CADPS2: variants seen among roughly 807,000 people sequenced by gnomAD.
CADPS2 encodes the protein calcium-dependent secretion activator 2.
Under a neutral mutation model 172.5 loss-of-function variants are expected in CADPS2, and 93 were observed. That is an observed-to-expected ratio of 0.54 (90% CI 0.46 to 0.64). The LOEUF is 0.64. Among genes scored for constraint, CADPS2 ranks in the 30% least tolerant of loss-of-function variants. The pLI is 0.00. For synonymous variants in CADPS2, 546 were observed against 555.2 expected, an observed-to-expected ratio of 0.98 and a Z score of 0.23; for missense variants, 1,420 against 1,565.9, an observed-to-expected ratio of 0.91 and a Z score of 1.57.
chr7:122,336,712 T>C (rs1238512470), intron 28 of CADPS2, among the ~76,000 whole-genome samples: 4 of 152,238 alleles, frequency 2.6e-5, no homozygotes, highest in East Asian at 3.9e-4. Flanking sequence ...CATTATGCAA[T>C]TGGTGTTTAG....
At chr7:122,782,968 C>T (rs1291954120) in intron 1 of CADPS2, among the ~76,000 whole-genome samples, 1 of 151,858 alleles carries the variant, frequency 6.6e-6, no homozygotes, top group African/African-American at 2.4e-5. Flanking sequence ...TTCTGTATTT[C>T]AAACGTTCTT....
chr7:122,608,147 C>T (rs6962479), intron 6 of CADPS2, among the ~76,000 whole-genome samples: 54,586 of 150,276 alleles, frequency 0.36, 10,238 homozygotes, highest in Middle Eastern at 0.43. Context: ...ACCCAGGAGG[C>T]GGAGATTGCA....
chr7:122,555,052 T>C (rs2064859630), intron 7 of CADPS2, among the ~76,000 whole-genome samples: 1 of 152,114 alleles, frequency 6.6e-6, no homozygotes, highest in African/African-American at 2.4e-5. Flanking sequence ...AGATATTCTT[T>C]GACATTATGG....
At chr7:122,637,364 C>G (rs776110162) in intron 3 of CADPS2, among the ~76,000 whole-genome samples, 6 of 151,350 alleles carry the variant, frequency 4.0e-5, no homozygotes, top group African/African-American at 7.3e-5. Context: ...TGGCTAATTT[C>G]TTGTAGAGAA....
At chr7:122,712,919 A>C (rs1308530785) in intron 2 of CADPS2, among the ~76,000 whole-genome samples, 1 of 151,970 alleles carries the variant, frequency 6.6e-6, no homozygotes, top group African/African-American at 2.4e-5. Flanking sequence ...ATCACCTCCC[A>C]AAGTCCCCAC....
At chr7:122,750,056 T>G (rs907360514) in intron 1 of CADPS2, among the ~76,000 whole-genome samples, 40 of 151,288 alleles carry the variant, frequency 2.6e-4, no homozygotes, top group Admixed American at 2.6e-3. Flanking sequence ...AAAGCTATCA[T>G]TCAAGTAATT....
intron 1 of CADPS2, among the ~76,000 whole-genome samples, chr7:122,756,049 G>C (rs903275169): frequency 2.0e-5 from 3 of 152,174 alleles, no homozygotes; most frequent in African/African-American, 7.2e-5. Flanking sequence ...TGATGATACA[G>C]AAAAGAGTTT....
chr7:122,822,146 T>G (rs1390309429), intron 1 of CADPS2, among the ~76,000 whole-genome samples: 2 of 151,148 alleles, frequency 1.3e-5, no homozygotes, highest in Non-Finnish European at 2.9e-5. Context: ...ACTCTTGAAG[T>G]AAATAAATAA....
chr7:122,554,808 A>G, intron 7 of CADPS2, 119 bp from the exon 8 acceptor site: 1 of 818,500 alleles, frequency 1.2e-6, no homozygotes, highest in Non-Finnish European at 1.8e-6. Flanking sequence ...AAATGTATCC[A>G]ATAAACAATT....
At chr7:122,857,507 C>T (rs975512163) in intron 1 of CADPS2, among the ~76,000 whole-genome samples, 6 of 152,164 alleles carry the variant, frequency 3.9e-5, no homozygotes, top group African/African-American at 1.4e-4. Context: ...TATGCAGCAC[C>T]TAAGGGCAGG....
chr7:122,764,440 C>T (rs1020963438), intron 1 of CADPS2, among the ~76,000 whole-genome samples: 43 of 151,924 alleles, frequency 2.8e-4, no homozygotes, highest in African/African-American at 1.0e-3. Context: ...CTACAATGTG[C>T]CAAGCGTTTT....
chr7:122,570,121 G>A lies in CADPS2; in HGVS notation c.1335+11058C>T, dbSNP rs865845210. Among the ~76,000 whole-genome samples, 128 of 148,728 alleles carry A rather than the reference G, an allele frequency of 8.6e-4. 2 individuals carry two copies. The Middle Eastern group carries it at 0.01, about 12-fold the overall frequency. Reference sequence around the variant, plus strand: ...ACCTACAGAATGGGAGAAAATTTTCGCAACCTACTCATCTGACGAAGGGCT... The same window carrying A: ...ACCTACAGAATGGGAGAAAATTTTCACAACCTACTCATCTGACGAAGGGCT... On this transcript the variant is annotated intron_variant, in intron 7 of 29. Transcript: ENST00000449022.
At chr7:122,347,299 G>A (rs1324724517) in intron 27 of CADPS2, among the ~76,000 whole-genome samples, 1 of 151,782 alleles carries the variant, frequency 6.6e-6, no homozygotes, top group African/African-American at 2.4e-5. Flanking sequence ...TTTTTTTGGA[G>A]GGGGCATATT....
chr7:122,671,874 C>T (rs1235713168), intron 2 of CADPS2, among the ~76,000 whole-genome samples: 1 of 152,122 alleles, frequency 6.6e-6, no homozygotes, highest in Admixed American at 6.6e-5. Context: ...CTGTGAAACC[C>T]ATCCATACAC....
At chr7:122,355,076 G>C (rs989616832) in intron 27 of CADPS2, among the ~76,000 whole-genome samples, 2 of 152,040 alleles carry the variant, frequency 1.3e-5, no homozygotes, top group Admixed American at 6.6e-5. Flanking sequence ...AGAAGTATAT[G>C]TTACAAAGAT....
At chr7:122,552,853 T>C (rs2131956355) in intron 8 of CADPS2, among the ~76,000 whole-genome samples, 2 of 151,452 alleles carry the variant, frequency 1.3e-5, no homozygotes, top group Middle Eastern at 3.4e-3. Flanking sequence ...GAGAAACAAC[T>C]GCAGTTCCTG....
intron 2 of CADPS2, among the ~76,000 whole-genome samples, chr7:122,732,383 C>T (rs1588849881): frequency 6.7e-6 from 1 of 149,868 alleles, no homozygotes; most frequent in Middle Eastern, 3.4e-3. Flanking sequence ...TATAGACCTA[C>T]AATCAAGATG....
intron 20 of CADPS2, among the ~76,000 whole-genome samples, chr7:122,400,491 A>C (rs554029433): frequency 8.1e-4 from 124 of 152,280 alleles, no homozygotes; most frequent in Non-Finnish European, 1.3e-3. Flanking sequence ...AAAGAAAAAA[A>C]AGAAATTAGA....
intron 1 of CADPS2, among the ~76,000 whole-genome samples, chr7:122,821,058 T>A (rs1180282166): frequency 1.3e-5 from 2 of 152,046 alleles, no homozygotes; most frequent in Admixed American, 1.3e-4. Context: ...TCACTCTTTG[T>A]TGAGTCTCCC....
Sources: allele counts gnomAD v4.1 joint callset (sites outside exome capture counted in the v4.1 genomes callset), GRCh38; gene constraint gnomAD v4.1.1; transcripts MANE v1.5; gene names NCBI Gene and HGNC (gene_info 2026-07-23, HGNC 2026-07-21).